Variants in SLC35F3 observed in about 807,000 individuals in gnomAD.
SLC35F3 encodes putative thiamine transporter SLC35F3.
A neutral mutation model predicts 49.9 loss-of-function variants in SLC35F3; 25 were observed. That is an observed-to-expected ratio of 0.50 (90% CI 0.37 to 0.70). The LOEUF (loss-of-function observed/expected upper bound fraction) is 0.70, where lower values mean the gene tolerates loss of function less well. SLC35F3 is among the 30% of genes least tolerant of loss of function. The pLI is 0.00. For missense variants in SLC35F3, 525 were observed against 639.8 expected (o/e 0.82, Z 1.94); for synonymous variants, 275 against 265.4 (o/e 1.04, Z -0.35).
chr1:234,280,745 A>G (rs1668309997), intron 3 of SLC35F3, among the ~76,000 whole-genome samples: 2 of 152,192 alleles, frequency 1.3e-5, no homozygotes, highest in African/African-American at 4.8e-5. Context: ...CTTCCACCGC[A>G]CAGTCATCCT....
chr1:233,932,084 T>C (rs114780023), intron 2 of SLC35F3, among the ~76,000 whole-genome samples: 2,065 of 150,478 alleles, frequency 0.014, 28 homozygotes, highest in East Asian at 0.046. Context: ...ATAAGTGGAG[T>C]GGAACAATGA....
At chr1:234,030,307 G>A (rs1664041920) in intron 2 of SLC35F3, among the ~76,000 whole-genome samples, 1 of 152,112 alleles carries the variant, frequency 6.6e-6, no homozygotes, top group South Asian at 2.1e-4. Flanking sequence ...GGATCTAGAG[G>A]AATAATGAAC....
intron 2 of SLC35F3, among the ~76,000 whole-genome samples, chr1:233,925,784 C>G (rs1250202975): frequency 6.6e-6 from 1 of 152,170 alleles, no homozygotes; most frequent in African/African-American, 2.4e-5. Context: ...TTGTTTCTTT[C>G]CATGTTTAGT....
At chr1:234,042,741 T>G (rs991747583) in intron 2 of SLC35F3, among the ~76,000 whole-genome samples, 1 of 152,212 alleles carries the variant, frequency 6.6e-6, no homozygotes, top group Non-Finnish European at 1.5e-5. Flanking sequence ...TTCTGCATAG[T>G]TGCAAGCATG....
At chr1:234,274,860 G>A (rs1454081203) in intron 3 of SLC35F3, among the ~76,000 whole-genome samples, 1 of 152,204 alleles carries the variant, frequency 6.6e-6, no homozygotes, top group East Asian at 1.9e-4. Context: ...TGCAGGCTTG[G>A]AGGATGCCAA....
At chr1:234,253,672 C>G (rs548964252) in intron 3 of SLC35F3, among the ~76,000 whole-genome samples, 3 of 152,076 alleles carry the variant, frequency 2.0e-5, no homozygotes, top group Admixed American at 6.5e-5. Context: ...AAATAAGAAC[C>G]AAGAGCGTCA....
At chr1:233,908,286 T>C (rs1661808826) in intron 2 of SLC35F3, among the ~76,000 whole-genome samples, 1 of 152,144 alleles carries the variant, frequency 6.6e-6, no homozygotes, top group Non-Finnish European at 1.5e-5. Context: ...CAAAGTGATT[T>C]ATCTGTGTCC....
At chr1:234,005,049 G>A (rs1244968287) in intron 2 of SLC35F3, among the ~76,000 whole-genome samples, 1 of 152,106 alleles carries the variant, frequency 6.6e-6, no homozygotes, top group East Asian at 1.9e-4. Flanking sequence ...GAATAAAATA[G>A]AAAAGCTGAA....
At chr1:233,964,348 G>A (rs1171134368) in intron 2 of SLC35F3, among the ~76,000 whole-genome samples, 3 of 152,160 alleles carry the variant, frequency 2.0e-5, no homozygotes, top group African/African-American at 7.2e-5. Flanking sequence ...AGTGGCCTGG[G>A]GCTGGATGAA....
intron 2 of SLC35F3, among the ~76,000 whole-genome samples, chr1:234,008,814 C>G (rs1483041862): frequency 6.6e-6 from 1 of 152,176 alleles, no homozygotes; most frequent in Non-Finnish European, 1.5e-5. Context: ...CATGACTGTT[C>G]TTGGTAGTCT....
intron 2 of SLC35F3, among the ~76,000 whole-genome samples, chr1:234,022,751 A>G (rs972234206): frequency 1.3e-5 from 2 of 152,126 alleles, no homozygotes; most frequent in African/African-American, 4.8e-5. Flanking sequence ...AAAAAAAGGC[A>G]TATTTCTACT....
intron 2 of SLC35F3, among the ~76,000 whole-genome samples, chr1:234,070,359 G>C (rs1664694882): frequency 6.6e-6 from 1 of 152,184 alleles, no homozygotes; most frequent in Non-Finnish European, 1.5e-5. Flanking sequence ...CATCAAAATA[G>C]AAAACATGGT....
chr1:234,018,646 A>G (rs994425840), intron 2 of SLC35F3, among the ~76,000 whole-genome samples: 1 of 152,202 alleles, frequency 6.6e-6, no homozygotes, highest in Non-Finnish European at 1.5e-5. Flanking sequence ...AACCTCATGA[A>G]CACACTGCTG....
chr1:234,026,551 AC>A (rs1663982002), intron 2 of SLC35F3, among the ~76,000 whole-genome samples: 2 of 152,196 alleles, frequency 1.3e-5, no homozygotes, highest in Non-Finnish European at 2.9e-5. Flanking sequence ...CAACTCTTAA[AC>A]TAAACAAGAA....
At chr1:233,949,367 T>C (rs1048015757) in intron 2 of SLC35F3, among the ~76,000 whole-genome samples, 2 of 152,198 alleles carry the variant, frequency 1.3e-5, no homozygotes, top group Admixed American at 6.5e-5. Flanking sequence ...ATAAGGCAAG[T>C]ACTTTAAACA....
intron 2 of SLC35F3, among the ~76,000 whole-genome samples, chr1:234,189,899 T>C (rs1050059741): frequency 6.6e-6 from 1 of 152,196 alleles, no homozygotes; most frequent in Non-Finnish European, 1.5e-5. Context: ...CTAGAAGGGA[T>C]TGGGGCCCTA....
chr1:234,049,359 C>G (rs1408760972), intron 2 of SLC35F3, among the ~76,000 whole-genome samples: 1 of 152,104 alleles, frequency 6.6e-6, no homozygotes, highest in African/African-American at 2.4e-5. Flanking sequence ...TATCTCCTCT[C>G]TCTTCTCTCT....
intron 2 of SLC35F3, among the ~76,000 whole-genome samples, chr1:234,079,860 G>A (rs1276787772): frequency 6.6e-6 from 1 of 152,228 alleles, no homozygotes; most frequent in Non-Finnish European, 1.5e-5. Flanking sequence ...TTGACAGTGT[G>A]ATAGTGTGAT....
chr1:234,315,320 T>C (rs750963022), intron 4 of SLC35F3, among the ~76,000 whole-genome samples: 6 of 152,216 alleles, frequency 3.9e-5, no homozygotes, highest in Non-Finnish European at 8.8e-5. Context: ...CACATTATGT[T>C]TCACTAACCT....
Sources: allele counts gnomAD v4.1 joint callset (sites outside exome capture counted in the v4.1 genomes callset), GRCh38; gene constraint gnomAD v4.1.1; transcripts MANE v1.5; gene names NCBI Gene and HGNC (gene_info 2026-07-23, HGNC 2026-07-21).